Variants in LIMCH1 observed in about 807,000 individuals in gnomAD.
LIMCH1 encodes the protein LIM and calponin homology domains 1.
A neutral mutation model predicts 176.5 loss-of-function variants in LIMCH1; 113 were observed. The ratio of observed to expected loss-of-function variants is 0.64; its 90% CI spans 0.55 to 0.75. The LOEUF is 0.75. LIMCH1 is among the 30% of genes least tolerant of loss of function. The probability of loss-of-function intolerance (pLI) is 0.00; values close to 1 mark genes in which losing one functional copy is unlikely to be tolerated. For missense variants in LIMCH1, 1,674 were observed against 1,814.9 expected (o/e 0.92, Z 1.41); for synonymous variants, 619 against 645.9 (o/e 0.96, Z 0.63).
chr4:41,424,609 T>C (rs2154132749), intron 1 of LIMCH1, among the ~76,000 whole-genome samples: 1 of 152,354 alleles, frequency 6.6e-6, no homozygotes, highest in South Asian at 2.1e-4. Context: ...ATGAAACTTA[T>C]GAATGTTCAC....
chr4:41,396,161 T>C (rs2057781969), intron 1 of LIMCH1, among the ~76,000 whole-genome samples: 1 of 152,164 alleles, frequency 6.6e-6, no homozygotes, highest in South Asian at 2.1e-4. Context: ...GAGAAGGATT[T>C]AGGATTTTTT....
At position 41,633,622 on chromosome 4, in the gene LIMCH1, G is replaced by A; in HGVS notation, c.1904G>A (p.Trp635Ter). 6.5e-7 allele frequency: 1 copy of A among 1,536,172 alleles called. No individual in the cohort carries two copies. The highest frequency in any genetic ancestry group is 8.7e-7 in the Non-Finnish European group (1 of 1,146,922). ...TTGGAGAAGATGACAGCTCCTGCCT[G>A]GAGTGGCAGTGGACTGAAAGGCCAG... ...EKLEKMTAPA[W>*]SGSGLKGQRK... is the part of the protein sequence containing the mutation. The change falls in exon 13 of 32, where the codon TGG (tryptophan) becomes TAG (stop). Residue 635 changes from tryptophan (W) to a stop codon, truncating the protein, a stop_gained. Transcript: ENST00000503057. LOFTEE classifies it high-confidence loss of function.
chr4:41,398,418 G>A (rs549656761), intron 1 of LIMCH1, among the ~76,000 whole-genome samples: 2 of 152,160 alleles, frequency 1.3e-5, no homozygotes, highest in South Asian at 4.1e-4. Flanking sequence ...AGTTTTGTGG[G>A]TGAATAATGT....
At chr4:41,530,386 A>C (rs74905606) in intron 3 of LIMCH1, among the ~76,000 whole-genome samples, 2,600 of 152,202 alleles carry the variant, frequency 0.017, 64 homozygotes, top group African/African-American at 0.052. Context: ...GTGTGCCTCA[A>C]CTCATCCTGA....
chr4:41,470,846 T>A (rs1027196759), intron 1 of LIMCH1, among the ~76,000 whole-genome samples: 1 of 151,996 alleles, frequency 6.6e-6, no homozygotes, highest in Non-Finnish European at 1.5e-5. Context: ...TTCTCTCTCT[T>A]ATTTCTGTCT....
chr4:41,654,689 A>G (rs2094413998), intron 18 of LIMCH1, among the ~76,000 whole-genome samples: 1 of 152,098 alleles, frequency 6.6e-6, no homozygotes, highest in Admixed American at 6.5e-5. Flanking sequence ...GTTGAAGTGG[A>G]GGAGGGGCTA....
intron 3 of LIMCH1, among the ~76,000 whole-genome samples, chr4:41,527,258 A>G (rs971878154): frequency 1.1e-4 from 16 of 152,222 alleles, no homozygotes; most frequent in Non-Finnish European, 1.9e-4. Context: ...GTTCTGAAAT[A>G]TATTTTGGAA....
chr4:41,410,446 A>T (rs959226618), intron 1 of LIMCH1, among the ~76,000 whole-genome samples: 6 of 152,162 alleles, frequency 3.9e-5, no homozygotes, highest in Non-Finnish European at 8.8e-5. Flanking sequence ...TTGGCGTCGT[A>T]GGAAAGAATT....
In LIMCH1 at chr4:41,567,877, G is replaced by A. The variant is rs572843223; in HGVS notation, c.-241+29527G>A. Among the ~76,000 whole-genome samples, 9 of 152,266 alleles carry A rather than the reference G, an allele frequency of 5.9e-5. No individual in the cohort carries two copies. In the South Asian group the frequency reaches 1.0e-3, roughly 18 times the overall value. On this transcript the variant is annotated intron_variant, in intron 1 of 31. Coordinates refer to ENST00000503057, the MANE Select transcript of LIMCH1 (RefSeq NM_001330672.2). Reference sequence around the variant, plus strand: ...TCCTTAAAATTGGCAGCTATAGGCCGGGCGTGGTGGCTCATGCCTGTAATC... The same window carrying A: ...TCCTTAAAATTGGCAGCTATAGGCCAGGCGTGGTGGCTCATGCCTGTAATC...
chr4:41,655,298 A>G (rs79430165), intron 18 of LIMCH1, among the ~76,000 whole-genome samples: 4 of 152,236 alleles, frequency 2.6e-5, no homozygotes, highest in Non-Finnish European at 5.9e-5. Flanking sequence ...TAGCATAGAC[A>G]TCAGATGGTT....
upstream of LIMCH1, chr4:41,360,612 T>C (rs2051835333): frequency 3.7e-6 from 1 of 269,822 alleles, no homozygotes; most frequent in African/African-American, 2.3e-5. The surrounding 1 kb of genome is among the most constrained non-coding windows in gnomAD (Gnocchi z 4.5). Context: ...GCCTCCGCGC[T>C]CGCTCCCGCG....
chr4:41,529,616 C>A (rs886472300), intron 3 of LIMCH1, among the ~76,000 whole-genome samples: 1 of 152,152 alleles, frequency 6.6e-6, no homozygotes, highest in African/African-American at 2.4e-5. Flanking sequence ...TGAGATGGAT[C>A]CCGAGCCCTG....
chr4:41,448,078 A>C (rs1156923785), intron 1 of LIMCH1, among the ~76,000 whole-genome samples: 12 of 152,330 alleles, frequency 7.9e-5, no homozygotes, highest in Non-Finnish European at 1.5e-4. Flanking sequence ...GGAGTGAGCC[A>C]CCATGCCCAG....
intron 1 of LIMCH1, among the ~76,000 whole-genome samples, chr4:41,493,937 T>C (rs554989298): frequency 2.0e-5 from 3 of 152,330 alleles, no homozygotes; most frequent in Middle Eastern, 3.4e-3. Flanking sequence ...CCCTTGAGAT[T>C]AGACATCCAT....
At chr4:41,561,028 C>T (rs960375719) in intron 1 of LIMCH1, among the ~76,000 whole-genome samples, 1 of 152,054 alleles carries the variant, frequency 6.6e-6, no homozygotes, top group Admixed American at 6.6e-5. Flanking sequence ...AAAAAACAAA[C>T]AAACCAAACA....
At chr4:41,679,976 T>C (rs1714346366) in intron 23 of LIMCH1, 30 bp from the exon 24 acceptor site, 1 of 1,516,710 alleles carries the variant, frequency 6.6e-7, no homozygotes, top group Non-Finnish European at 9.1e-7. Context: ...AATGGTCAGT[T>C]GAGAACAATC....
intron 1 of LIMCH1, among the ~76,000 whole-genome samples, chr4:41,480,369 G>A (rs2154166790): frequency 6.6e-6 from 1 of 152,314 alleles, no homozygotes; most frequent in South Asian, 2.1e-4. Flanking sequence ...AGCACTTTGG[G>A]AGGCCGAGGT....
chr4:41,635,485 C>T (rs1203320021), intron 13 of LIMCH1, among the ~76,000 whole-genome samples: 1 of 152,132 alleles, frequency 6.6e-6, no homozygotes, highest in Admixed American at 6.6e-5. Flanking sequence ...GCCTTGATCT[C>T]CCAAAGTCCC....
At chr4:41,610,243 A>C (rs2091266826) in intron 4 of LIMCH1, among the ~76,000 whole-genome samples, 1 of 152,152 alleles carries the variant, frequency 6.6e-6, no homozygotes, top group Admixed American at 6.5e-5. Flanking sequence ...TGGGGAAGAC[A>C]TTTGGGCCTG....
Sources: allele counts gnomAD v4.1 joint callset (sites outside exome capture counted in the v4.1 genomes callset), GRCh38; gene constraint gnomAD v4.1.1; non-coding constraint Gnocchi (gnomAD v3.1); transcripts MANE v1.5; gene names NCBI Gene and HGNC (gene_info 2026-07-23, HGNC 2026-07-21).